MEIKIN: variants seen among roughly 807,000 people sequenced by gnomAD.
MEIKIN encodes the protein meiotic kinetochore factor.
chr5:131,868,706 T>C (rs899942614), intron 9 of MEIKIN, among the ~76,000 whole-genome samples: 7 of 150,862 alleles, frequency 4.6e-5, no homozygotes, highest in Admixed American at 4.6e-4. Context: ...CCGACAGGGA[T>C]TCTGTCTCTA....
intron 11 of MEIKIN, 91 bp downstream of exon 11, chr5:131,851,173 A>G: frequency 2.5e-6 from 1 of 392,530 alleles, no homozygotes; most frequent in South Asian, 1.4e-4. Context: ...CTCATGAGTT[A>G]AGAGATTTCT....
intron 9 of MEIKIN, among the ~76,000 whole-genome samples, chr5:131,862,512 T>C (rs1387068629): frequency 1.1e-4 from 17 of 152,190 alleles, no homozygotes; most frequent in Admixed American, 1.1e-3. Flanking sequence ...CTCTAATTCC[T>C]TAAAGTGCAT....
At chr5:131,897,986 T>C (rs1319642133) in intron 8 of MEIKIN, among the ~76,000 whole-genome samples, 1 of 152,194 alleles carries the variant, frequency 6.6e-6, no homozygotes, top group Non-Finnish European at 1.5e-5. Flanking sequence ...AGAGGTGCTC[T>C]GGTTTTTAGA....
chr5:131,818,740 CT>C lies in MEIKIN; in HGVS notation c.1098del (p.Asp367IlefsTer3). ...ATGCTCTGCATTCATACTACAGTAC[CT>C]TGAGGGGTATCCTTAGGAAGAGAAT... ...KKYSLPKDTP[Q>X]DIIIKMA On this transcript the variant is annotated frameshift_variant and splice_region_variant, in exon 12 of 13. Transcript: ENST00000442687. LOFTEE classifies it high-confidence loss of function. 2.5e-6 allele frequency: 1 copy of C among 397,864 alleles called. No individual in the cohort carries two copies. The highest frequency in any genetic ancestry group is 1.3e-4 in the South Asian group (1 of 7,842). The allele number at this position is 397,864 out of a possible 1,614,324, so 24.6% of individuals were successfully genotyped here. A position where few individuals can be genotyped will look rare whatever the true frequency, so the allele number is the denominator to read the frequency against.
chr5:131,896,084 T>C (rs1751044559), intron 8 of MEIKIN, among the ~76,000 whole-genome samples: 1 of 152,240 alleles, frequency 6.6e-6, no homozygotes, highest in Admixed American at 6.5e-5. Context: ...TGGTACATTG[T>C]GTCTTTGTTC....
chr5:131,810,327 A>AT (rs1414984423), intron 12 of MEIKIN, among the ~76,000 whole-genome samples: 1 of 152,158 alleles, frequency 6.6e-6, no homozygotes, highest in Non-Finnish European at 1.5e-5. Context: ...TCAAAATAGA[A>AT]TAAAAAAAAA....
chr5:131,845,623 T>A (rs1416094569), intron 11 of MEIKIN, among the ~76,000 whole-genome samples: 1 of 126,124 alleles, frequency 7.9e-6, no homozygotes, highest in African/African-American at 3.0e-5. Context: ...AAAAAAAAAA[T>A]CTAGAGCTTA....
intron 12 of MEIKIN, among the ~76,000 whole-genome samples, chr5:131,812,129 G>T (rs1308626869): frequency 1.3e-5 from 2 of 152,160 alleles, no homozygotes; most frequent in Admixed American, 6.5e-5. Flanking sequence ...GTTTTATACT[G>T]TATGTAGATA....
Position 131,817,271 on chromosome 5 carries a change from T to C in MEIKIN, c.1099+1469A>G, listed in dbSNP as rs536763880. Among the ~76,000 whole-genome samples the C allele has an allele frequency of 1.1e-4, 16 of 152,160 alleles. No homozygotes were observed. In the South Asian group the frequency reaches 3.3e-3, roughly 32 times the overall value. On this transcript the variant is annotated intron_variant, in intron 12 of 12. Coordinates refer to ENST00000442687, the MANE Select transcript of MEIKIN (RefSeq NM_001303622.2). Reference sequence around the variant, plus strand: ...TCTCCAGCTGGCAGATGGCATATCATGGAACTTTTCAGCCTCCATAACCAC... The same window carrying C: ...TCTCCAGCTGGCAGATGGCATATCACGGAACTTTTCAGCCTCCATAACCAC...
intron 9 of MEIKIN, among the ~76,000 whole-genome samples, chr5:131,869,478 T>C (rs1431094979): frequency 1.3e-5 from 2 of 152,208 alleles, no homozygotes; most frequent in African/African-American, 2.4e-5. Context: ...TCCCTCTCCA[T>C]ATAAACTTTA....
At chr5:131,843,533 A>T (rs1749956699) in intron 11 of MEIKIN, among the ~76,000 whole-genome samples, 1 of 152,234 alleles carries the variant, frequency 6.6e-6, no homozygotes, top group Non-Finnish European at 1.5e-5. Flanking sequence ...CTCCCACCAG[A>T]TATCTTAAAT....
chr5:131,860,065 G>A (rs1313654113), intron 9 of MEIKIN, among the ~76,000 whole-genome samples: 4 of 152,040 alleles, frequency 2.6e-5, no homozygotes, highest in African/African-American at 7.3e-5. Flanking sequence ...GAATTTTAGC[G>A]TTGTTTTTTC....
intron 9 of MEIKIN, among the ~76,000 whole-genome samples, chr5:131,869,287 T>C (rs1750443642): frequency 6.6e-6 from 1 of 152,212 alleles, no homozygotes; most frequent in South Asian, 2.1e-4. Context: ...CAGTTGACTA[T>C]ATTTATATGG....
intron 11 of MEIKIN, among the ~76,000 whole-genome samples, chr5:131,822,070 G>C (rs1420109719): frequency 6.6e-6 from 1 of 152,064 alleles, no homozygotes; most frequent in Non-Finnish European, 1.5e-5. Flanking sequence ...CTTAGTTCTT[G>C]CCTTTAAATC....
At chr5:131,856,744 G>GT (rs1305094456) in intron 9 of MEIKIN, among the ~76,000 whole-genome samples, 2 of 151,866 alleles carry the variant, frequency 1.3e-5, no homozygotes, top group Non-Finnish European at 2.9e-5. Context: ...GTATGCAGCT[G>GT]TAAGTATATA....
chr5:131,844,203 C>G (rs1749970199), intron 11 of MEIKIN, among the ~76,000 whole-genome samples: 2 of 152,160 alleles, frequency 1.3e-5, no homozygotes, highest in African/African-American at 4.8e-5. Context: ...AGATCCCTCC[C>G]CCAACACTGG....
chr5:131,843,339 C>T (rs1389390456), intron 11 of MEIKIN, among the ~76,000 whole-genome samples: 1 of 152,238 alleles, frequency 6.6e-6, no homozygotes, highest in Non-Finnish European at 1.5e-5. Context: ...TTGAATTTCT[C>T]CCATCAGAAA....
At chr5:131,935,497 G>A (rs553907803) in intron 4 of MEIKIN, among the ~76,000 whole-genome samples, 20 of 152,074 alleles carry the variant, frequency 1.3e-4, no homozygotes, top group South Asian at 2.1e-4. Context: ...AGGAGAACCA[G>A]AGATTTGGTA....
chr5:131,885,223 T>G (rs1422189639), intron 8 of MEIKIN, among the ~76,000 whole-genome samples: 1 of 151,904 alleles, frequency 6.6e-6, no homozygotes, highest in Non-Finnish European at 1.5e-5. Context: ...GAGCCTTGGG[T>G]GAGACCCAGT....
Sources: allele counts gnomAD v4.1 joint callset (sites outside exome capture counted in the v4.1 genomes callset), GRCh38; gene constraint gnomAD v4.1.1; transcripts MANE v1.5; gene names NCBI Gene and HGNC (gene_info 2026-07-23, HGNC 2026-07-21).